The following EPSTI1 variants were observed in gnomAD, a reference collection of about 807,000 sequenced individuals.
The protein encoded by EPSTI1 is epithelial stromal interaction 1.
EPSTI1 carries 66 observed loss-of-function variants against 49.9 expected under a neutral mutation model. The observed-to-expected ratio is 1.32, with a 90% confidence interval of 1.08 to 1.62. EPSTI1 has a LOEUF of 1.62. Among genes scored for constraint, EPSTI1 ranks in the 40% most tolerant of loss-of-function variants. EPSTI1 has a pLI of 0.00. For missense variants in EPSTI1, 394 were observed against 365.5 expected (o/e 1.08, Z -0.64); for synonymous variants, 137 against 130.7 (o/e 1.05, Z -0.33).
intron 1 of EPSTI1, among the ~76,000 whole-genome samples, chr13:42,989,378 A>G (rs1217426150): frequency 6.6e-6 from 1 of 152,170 alleles, no homozygotes; most frequent in African/African-American, 2.4e-5. Context: ...AAGTGATGGC[A>G]TAATCAGAAC....
chr13:42,939,318 T>C (rs1289219220), intron 6 of EPSTI1, among the ~76,000 whole-genome samples: 12 of 152,250 alleles, frequency 7.9e-5, no homozygotes. Flanking sequence ...ACTTTTCTTT[T>C]GCTTCACAAC....
At chr13:42,955,540 G>T (rs943893786) in intron 5 of EPSTI1, among the ~76,000 whole-genome samples, 2 of 152,140 alleles carry the variant, frequency 1.3e-5, no homozygotes, top group Non-Finnish European at 2.9e-5. Flanking sequence ...GGTGACTCAC[G>T]CCTGTAATCC....
intron 8 of EPSTI1, among the ~76,000 whole-genome samples, chr13:42,917,004 A>G (rs1174992994): frequency 6.6e-6 from 1 of 152,082 alleles, no homozygotes; most frequent in African/African-American, 2.4e-5. Context: ...CACTTTTCTT[A>G]GAAGGCTCTG....
chr13:42,986,511 G>A (rs562239760), intron 1 of EPSTI1, among the ~76,000 whole-genome samples: 1 of 152,194 alleles, frequency 6.6e-6, no homozygotes, highest in South Asian at 2.1e-4. Context: ...TTGAGAGGTC[G>A]AGGTGGGTGG....
intron 9 of EPSTI1, among the ~76,000 whole-genome samples, chr13:42,899,572 G>A (rs983963953): frequency 6.6e-6 from 1 of 152,140 alleles, no homozygotes; most frequent in Non-Finnish European, 1.5e-5. Flanking sequence ...ACAGTGGGAA[G>A]GTTAAATACG....
intron 6 of EPSTI1, among the ~76,000 whole-genome samples, chr13:42,941,603 G>A (rs1458891018): frequency 1.4e-5 from 2 of 144,148 alleles, no homozygotes; most frequent in Non-Finnish European, 1.5e-5. Context: ...CTGGGTGACA[G>A]AGCAAGACAC....
At chr13:42,955,877 TGGG>T (rs57603932) in intron 5 of EPSTI1, among the ~76,000 whole-genome samples, 3 of 105,540 alleles carry the variant, frequency 2.8e-5, no homozygotes, top group African/African-American at 4.5e-5. Context: ...AAGAAGTATT[TGGG>T]GGGGGGGGGA....
intron 5 of EPSTI1, among the ~76,000 whole-genome samples, chr13:42,958,867 G>A (rs2039356724): frequency 6.6e-6 from 1 of 152,048 alleles, no homozygotes; most frequent in Non-Finnish European, 1.5e-5. Flanking sequence ...TGTGGCAAAA[G>A]AAAAAACAAA....
At chr13:42,963,499 G>T (rs1594738225) in intron 4 of EPSTI1, 161 bp from the exon 5 acceptor site, 1 of 603,692 alleles carries the variant, frequency 1.7e-6, no homozygotes, top group East Asian at 2.9e-5. Flanking sequence ...CACAGAGAAT[G>T]GCCGGGCTAC....
At chr13:42,973,066 C>T (rs565703042) in intron 1 of EPSTI1, among the ~76,000 whole-genome samples, 1 of 152,270 alleles carries the variant, frequency 6.6e-6, no homozygotes, top group East Asian at 1.9e-4. Context: ...CAGGACTTTG[C>T]CAAAAGCAGC....
chr13:42,934,334 C>T, intron 6 of EPSTI1: 1 of 156,060 alleles, frequency 6.4e-6, no homozygotes. Flanking sequence ...TCGATCAAAG[C>T]ACTGACTGCA....
At chr13:42,978,225 G>A (rs181141183) in intron 1 of EPSTI1, among the ~76,000 whole-genome samples, 1 of 152,184 alleles carries the variant, frequency 6.6e-6, no homozygotes, top group Admixed American at 6.5e-5. Context: ...AGGCCCTGAT[G>A]ACATGTGGTC....
At chr13:42,929,728 T>C (rs571055778) in intron 6 of EPSTI1, among the ~76,000 whole-genome samples, 1 of 152,368 alleles carries the variant, frequency 6.6e-6, no homozygotes, top group Admixed American at 6.5e-5. Flanking sequence ...TCTTTTTTAA[T>C]TAACCAAATA....
At chr13:42,946,891 C>T (rs2038933520) in intron 6 of EPSTI1, among the ~76,000 whole-genome samples, 1 of 152,194 alleles carries the variant, frequency 6.6e-6, no homozygotes, top group African/African-American at 2.4e-5. Context: ...CAACTAATGC[C>T]TGATGATCTG....
intron 9 of EPSTI1, among the ~76,000 whole-genome samples, chr13:42,899,486 G>C (rs1413198504): frequency 6.6e-6 from 1 of 152,122 alleles, no homozygotes; most frequent in African/African-American, 2.4e-5. Flanking sequence ...TCAGAACAGG[G>C]AGCTTCCACT....
At chr13:42,986,744 CAAAAAAAAAAAAAA>C (rs71099813) in intron 1 of EPSTI1, among the ~76,000 whole-genome samples, 1 of 80,814 alleles carries the variant, frequency 1.2e-5, no homozygotes, top group African/African-American at 6.3e-5. Flanking sequence ...GATTCCATCT[CAAAAAAAAAAAAAA>C]AAAAAAAAAA....
At chr13:42,968,235 C>A (rs2039670722) in intron 3 of EPSTI1, among the ~76,000 whole-genome samples, 1 of 151,990 alleles carries the variant, frequency 6.6e-6, no homozygotes, top group Admixed American at 6.6e-5. Flanking sequence ...TAGCCCTTTT[C>A]ACGAAATACA....
At chr13:42,898,063 A>G (rs1240934585) in intron 9 of EPSTI1, among the ~76,000 whole-genome samples, 2 of 152,158 alleles carry the variant, frequency 1.3e-5, no homozygotes, top group Non-Finnish European at 2.9e-5. Context: ...TGGAATTTCT[A>G]CTTGTCTTCT....
rs144832949 is a variant in EPSTI1, at chr13:42,991,830, C to G, written c.188+148G>C. The G allele has an allele frequency of 2.6e-3, 2,345 of 893,676 alleles. 4 individuals carry two copies. The highest frequency in any genetic ancestry group is 3.6e-3 in the Non-Finnish European group (2,097 of 585,300). 55.4% of individuals were successfully genotyped at this position (893,676 alleles called of 1,614,324 possible). ...CAATTTATAAGGTGCGGCATGGATA[C>G]TTTCATTTAAGCAAATGAGCTTTCA... On this transcript the variant is annotated intron_variant, in intron 1 of 10. Coordinates refer to ENST00000313624, the MANE Select transcript of EPSTI1 (RefSeq NM_033255.5).
Sources: allele counts gnomAD v4.1 joint callset (sites outside exome capture counted in the v4.1 genomes callset), GRCh38; gene constraint gnomAD v4.1.1; transcripts MANE v1.5; gene names NCBI Gene and HGNC (gene_info 2026-07-23, HGNC 2026-07-21).